The following CLCA4 variants were observed in gnomAD, a reference collection of about 807,000 sequenced individuals.
CLCA4 encodes calcium-activated chloride channel regulator 4.
A neutral mutation model predicts 78.9 loss-of-function variants in CLCA4; 69 were observed. That is an observed-to-expected ratio of 0.87 (90% CI 0.72 to 1.07). The LOEUF is 1.07. CLCA4 is among the 50% of genes least tolerant of loss of function. The pLI, the probability that CLCA4 is intolerant of heterozygous loss-of-function variation, is 0.00. For synonymous variants in CLCA4, 362 were observed against 375.8 expected (o/e 0.96, Z 0.42); for missense variants, 1,133 against 1,095.8 (o/e 1.03, Z -0.48).
chr1:86,547,081 CA>C lies in CLCA4; in HGVS notation c.-36del, dbSNP rs1343384516. 1 of 1,574,898 alleles carries C rather than the reference CA, an allele frequency of 6.3e-7. No homozygotes were observed. The highest frequency in any genetic ancestry group is 2.3e-5 in the East Asian group (1 of 43,800). ...AGAAAGAAAAGAAAAGCCTCTTGAA[CA>C]AACCAACATTTGAGCCAGGAATAAC... On this transcript the variant is annotated 5_prime_UTR_variant, in exon 1 of 14. Coordinates refer to ENST00000370563, the MANE Select transcript of CLCA4 (RefSeq NM_012128.4).
intron 6 of CLCA4, among the ~76,000 whole-genome samples, chr1:86,566,542 G>A (rs1223733608): frequency 6.6e-6 from 1 of 152,036 alleles, no homozygotes; most frequent in Non-Finnish European, 1.5e-5. Context: ...GCATAGTGAA[G>A]CATGCTGAAG....
intron 6 of CLCA4, 58 bp downstream of exon 6, chr1:86,566,078 C>A: frequency 1.4e-6 from 2 of 1,446,974 alleles, no homozygotes; most frequent in Admixed American, 1.8e-5. Context: ...CGAGAACACA[C>A]TGAACTCTGT....
At chr1:86,569,283 A>G (rs1473023931) in intron 7 of CLCA4, among the ~76,000 whole-genome samples, 1 of 152,044 alleles carries the variant, frequency 6.6e-6, no homozygotes, top group Non-Finnish European at 1.5e-5. Context: ...TGGTTCAGAT[A>G]GAAAAGAAAT....
intron 7 of CLCA4, among the ~76,000 whole-genome samples, chr1:86,570,630 T>TG (rs1383601104): frequency 2.0e-5 from 3 of 152,098 alleles, no homozygotes; most frequent in African/African-American, 7.2e-5. Context: ...TCACTGACTT[T>TG]TTCAAATGTT....
chr1:86,570,661 C>T (rs1321738404), intron 7 of CLCA4, among the ~76,000 whole-genome samples: 1 of 152,016 alleles, frequency 6.6e-6, no homozygotes, highest in Admixed American at 6.6e-5. Flanking sequence ...CTTAATGCAT[C>T]TAGCTTTAAA....
Position 86,565,875 on chromosome 1 carries a change from G to C in CLCA4, c.809G>C (p.Arg270Thr). ...PSLQNIKCNF[R>T]STWEVISNSE... ...CTACAAAACATAAAGTGCAATTTTAGAAGTACATGGGAGGTGATTAGCAAT... is the reference window on the plus strand; with the variant it reads ...CTACAAAACATAAAGTGCAATTTTACAAGTACATGGGAGGTGATTAGCAAT... Residue 270 changes from arginine (R) to threonine (T), a missense_variant, in exon 6 of 14, where the codon AGA (arginine) becomes ACA (threonine). Physicochemically the swap from Arg to Thr is moderately conservative, Grantham distance 71 (BLOSUM62 -1). Transcript: ENST00000370563. 1.2e-6 allele frequency: 2 copies of C among 1,607,498 alleles called. No individual in the cohort carries two copies. Among genetic ancestry groups the C allele is most frequent in the Non-Finnish European group, 1.7e-6 (2 of 1,176,288 alleles).
chr1:86,547,322 A>G (rs1649534222), intron 1 of CLCA4, 44 bp downstream of exon 1: 3 of 1,435,560 alleles, frequency 2.1e-6, no homozygotes, highest in Non-Finnish European at 9.3e-7. Flanking sequence ...TTAGTTTTTT[A>G]CTATTATTTT....
intron 9 of CLCA4, among the ~76,000 whole-genome samples, chr1:86,573,798 C>T (rs1650428153): frequency 6.6e-6 from 1 of 151,946 alleles, no homozygotes; most frequent in African/African-American, 2.4e-5. Context: ...AGAACTGATT[C>T]TGAAGATACT....
At chr1:86,562,110 G>A (rs1475314362) in intron 3 of CLCA4, among the ~76,000 whole-genome samples, 12 of 152,038 alleles carry the variant, frequency 7.9e-5, no homozygotes, top group Non-Finnish European at 1.6e-4. Context: ...TGCAAGGAAG[G>A]GGAGAGAGAA....
chr1:86,568,517 CTG>C (rs1650264156), intron 7 of CLCA4, among the ~76,000 whole-genome samples: 1 of 151,588 alleles, frequency 6.6e-6, no homozygotes, highest in Non-Finnish European at 1.5e-5. Flanking sequence ...GAAATCTTTA[CTG>C]TCTCTTCACA....
In CLCA4 at chr1:86,580,679, C is replaced by G. The variant is rs891840748; in HGVS notation, c.*334C>G. The G allele has an allele frequency of 3.3e-5, 6 of 183,130 alleles. No individual in the cohort carries two copies. Among genetic ancestry groups the G allele is most frequent in the Non-Finnish European group, 6.7e-5 (6 of 89,400 alleles). 11.3% of individuals were successfully genotyped at this position (183,130 alleles called of 1,614,324 possible). On this transcript the variant is annotated 3_prime_UTR_variant, in exon 14 of 14. Coordinates refer to ENST00000370563, the MANE Select transcript of CLCA4 (RefSeq NM_012128.4). ...TCTGAAATGATATTTCAAATTGCAT[C>G]AAGAAATTAAAATCATCTATCTGAG...
chr1:86,577,827 T>C, intron 11 of CLCA4, 75 bp from the exon 12 acceptor site: 2 of 1,185,906 alleles, frequency 1.7e-6, no homozygotes, highest in Non-Finnish European at 2.4e-6. Context: ...GATATGCTTG[T>C]AGAGGCCAAT....
At chr1:86,578,735 A>G (rs1650608089) in intron 12 of CLCA4, among the ~76,000 whole-genome samples, 1 of 152,104 alleles carries the variant, frequency 6.6e-6, no homozygotes, top group Non-Finnish European at 1.5e-5. Context: ...GAAACAGACC[A>G]ATTTATGAAC....
At chr1:86,577,817 G>A in intron 11 of CLCA4, 85 bp from the exon 12 acceptor site, 2 of 994,964 alleles carry the variant, frequency 2.0e-6, no homozygotes, top group Non-Finnish European at 3.0e-6. Flanking sequence ...TAATCTAGAG[G>A]ATATGCTTGT....
chr1:86,579,021 A>C (rs1254459047), intron 12 of CLCA4, among the ~76,000 whole-genome samples: 1 of 152,028 alleles, frequency 6.6e-6, no homozygotes, highest in Non-Finnish European at 1.5e-5. Context: ...GAGAACTGGC[A>C]ATGATTTCCC....
chr1:86,578,897 A>T (rs998785947), intron 12 of CLCA4, among the ~76,000 whole-genome samples: 3 of 152,034 alleles, frequency 2.0e-5, no homozygotes, highest in African/African-American at 7.2e-5. Context: ...GCTTTCTTTC[A>T]TCTGGTCCCT....
intron 1 of CLCA4, among the ~76,000 whole-genome samples, chr1:86,557,436 A>G (rs910821442): frequency 6.6e-6 from 1 of 152,162 alleles, no homozygotes; most frequent in Non-Finnish European, 1.5e-5. Flanking sequence ...TTTGAAGAAC[A>G]TCTTGATTTC....
rs746501996 is a variant in CLCA4 at position 86,565,920 on chromosome 1, C to T, written c.854C>T (p.Thr285Ile). The T allele has an allele frequency of 3.1e-6, 5 of 1,613,096 alleles. No individual in the cohort carries two copies. The East Asian group carries it at 6.7e-5, about 22-fold the overall frequency. ...VISNSEDFKN[T>I]IPMVTPPPPP... Reference sequence around the variant, plus strand: ...AGCAATTCTGAGGATTTTAAAAACACCATACCCATGGTGACACCACCTCCT... The same window carrying T: ...AGCAATTCTGAGGATTTTAAAAACATCATACCCATGGTGACACCACCTCCT... Residue 285 changes from threonine to isoleucine, a missense_variant, in exon 6 of 14, where the codon ACC (threonine) becomes ATC (isoleucine). Thr to Ile is a moderately conservative substitution (Grantham distance 89, BLOSUM62 -1). Coordinates refer to ENST00000370563, the MANE Select transcript of CLCA4 (RefSeq NM_012128.4).
Position 86,575,480 on chromosome 1 carries a change from T to G in CLCA4, c.1832T>G (p.Met611Arg). 4 of 1,613,478 alleles carry G rather than the reference T, an allele frequency of 2.5e-6. No individual in the cohort carries two copies. Among genetic ancestry groups the G allele is most frequent in the East Asian group, 2.2e-5 (1 of 44,838 alleles). Residue 611 changes from methionine to arginine, a missense_variant, in exon 11 of 14, where the codon ATG (methionine) becomes AGG (arginine). Met to Arg is a moderately conservative substitution (Grantham distance 91). Coordinates refer to ENST00000370563, the MANE Select transcript of CLCA4 (RefSeq NM_012128.4). ...NKDVNSFPSP[M>R]IVYAEILQGY... Reference sequence around the variant, plus strand: ...GACGTAAACAGTTTCCCCAGCCCAATGATTGTTTACGCAGAAATTCTACAA... The same window carrying G: ...GACGTAAACAGTTTCCCCAGCCCAAGGATTGTTTACGCAGAAATTCTACAA...
Sources: gnomAD v4.1 joint callset for allele counts (sites outside exome capture counted in the v4.1 genomes callset) on GRCh38, gnomAD v4.1.1 for gene constraint, MANE v1.5 for transcripts, NCBI Gene and HGNC (gene_info 2026-07-23, HGNC 2026-07-21) for gene names.